MXD1: variants seen among roughly 807,000 people sequenced by gnomAD.
MXD1 encodes MAX dimerization protein 1, also known as MAX-binding protein.
Under a neutral mutation model 25.7 loss-of-function variants are expected in MXD1, and 9 were observed. The observed-to-expected ratio is 0.35, with a 90% CI of 0.21 to 0.61. MXD1 has a LOEUF of 0.61. MXD1 is among the 20% of genes least tolerant of loss of function. MXD1 has a pLI of 0.75. For missense variants in MXD1, 227 were observed against 292.4 expected, an observed-to-expected ratio of 0.78 and a Z score of 1.63; for synonymous variants, 99 against 113.9, an observed-to-expected ratio of 0.87 and a Z score of 0.83.
chr2:69,940,301 CAT>C lies in MXD1; in HGVS notation c.*2020_*2021del, dbSNP rs948026288. 1 of 152,128 alleles carries C rather than the reference CAT, an allele frequency of 6.6e-6. No homozygotes were observed. The highest frequency in any genetic ancestry group is 2.4e-5 in the African/African-American group (1 of 41,422). The allele number at this position is 152,128 out of a possible 1,614,324, so 9.4% of individuals were successfully genotyped here. A position where few individuals can be genotyped will look rare whatever the true frequency, so the allele number is the denominator to read the frequency against. On this transcript the variant is annotated 3_prime_UTR_variant, in exon 6 of 6. Transcript: ENST00000264444. ...TTCAAAGAGCCAGTTCAGCCTGTAA[CAT>C]ATTTGAAAAAGATATGTCTGCACTT...
In MXD1 at chr2:69,941,085, C is replaced by T. The variant is rs749459333; in HGVS notation, c.*2801C>T. 2.6e-5 allele frequency: 4 copies of T among 151,976 alleles called. No individual in the cohort carries two copies. Among genetic ancestry groups the T allele is most frequent in the East Asian group, 1.9e-4 (1 of 5,194 alleles). The allele number at this position is 151,976 out of a possible 1,614,324, so 9.4% of individuals were successfully genotyped here. On this transcript the variant is annotated 3_prime_UTR_variant, in exon 6 of 6. Coordinates refer to ENST00000264444, the MANE Select transcript of MXD1 (RefSeq NM_002357.4). The stretch of plus-strand genomic sequence containing the variant: ...AGCCTTTAAGACTTTGACAATTGTA[C>T]GTAAATACAGATGTGTATAAATATA...
Position 69,942,916 on chromosome 2 carries a change from AAAT to A in MXD1, c.*4638_*4640del, listed in dbSNP as rs1410953765. 2 of 152,242 alleles carry A rather than the reference AAAT, an allele frequency of 1.3e-5. No homozygotes were observed. Among genetic ancestry groups the A allele is most frequent in the African/African-American group, 4.8e-5 (2 of 41,462 alleles). The allele number at this position is 152,242 out of a possible 1,614,324, so 9.4% of individuals were successfully genotyped here. ...TAAACTGTATTGTTCAACTGTTAAC[AAAT>A]AATAAATTATTTCATTATTAAAGAA... On this transcript the variant is annotated 3_prime_UTR_variant, in exon 6 of 6. Coordinates refer to ENST00000264444, the MANE Select transcript of MXD1 (RefSeq NM_002357.4).
intron 3 of MXD1, among the ~76,000 whole-genome samples, chr2:69,928,948 C>T (rs1300626682): frequency 6.6e-6 from 1 of 152,222 alleles, no homozygotes; most frequent in African/African-American, 2.4e-5. Context: ...GGCTGGAGTA[C>T]AGTGGCACAA....
At chr2:69,933,484 CAGA>C (rs1251158711) in intron 3 of MXD1, among the ~76,000 whole-genome samples, 1 of 141,104 alleles carries the variant, frequency 7.1e-6, no homozygotes, top group African/African-American at 2.9e-5. Flanking sequence ...ACAGGTTTTT[CAGA>C]AGAAGTGAAA....
At chr2:69,930,915 C>A (rs1336935996) in intron 3 of MXD1, among the ~76,000 whole-genome samples, 1 of 152,236 alleles carries the variant, frequency 6.6e-6, no homozygotes, top group Non-Finnish European at 1.5e-5. Context: ...GCGCTTGTCA[C>A]CCTCATTCTA....
chr2:69,936,950 C>G lies in MXD1; in HGVS notation c.319-285C>G, dbSNP rs1027239781. ...TTGGGGACTGCTGCCTGCAGTCTTT[C>G]TGATACTAAAACTGAGGGCTACCAG... On this transcript the variant is annotated intron_variant, in intron 4 of 5. Transcript: ENST00000264444. The G allele has an allele frequency of 4.9e-5, 27 of 550,946 alleles. 1 individual carries two copies. Among genetic ancestry groups the G allele is most frequent in the South Asian group, 4.1e-4 (27 of 65,330 alleles). The allele number at this position is 550,946 out of a possible 1,614,324, so 34.1% of individuals were successfully genotyped here.
chr2:69,924,004 C>T (rs1677123025), intron 3 of MXD1, among the ~76,000 whole-genome samples: 1 of 152,166 alleles, frequency 6.6e-6, no homozygotes, highest in Non-Finnish European at 1.5e-5. Flanking sequence ...TGCAGGAATG[C>T]CACAGAATGT....
chr2:69,929,601 C>T (rs1677240128), intron 3 of MXD1, among the ~76,000 whole-genome samples: 1 of 152,198 alleles, frequency 6.6e-6, no homozygotes, highest in Non-Finnish European at 1.5e-5. Flanking sequence ...ACTTCCTTTA[C>T]TTGGATATTT....
intron 3 of MXD1, among the ~76,000 whole-genome samples, chr2:69,927,974 TGTA>T (rs2104183542): frequency 6.6e-6 from 1 of 152,278 alleles, no homozygotes; most frequent in African/African-American, 2.4e-5. Flanking sequence ...AAGTGTGACT[TGTA>T]GTCTTCACCT....
intron 3 of MXD1, among the ~76,000 whole-genome samples, chr2:69,932,016 C>T (rs1271450612): frequency 6.6e-6 from 1 of 152,114 alleles, no homozygotes; most frequent in African/African-American, 2.4e-5. Flanking sequence ...CGGGTGGCTT[C>T]CTGTTGAGGA....
chr2:69,919,332 T>G (rs1677017541), intron 2 of MXD1, among the ~76,000 whole-genome samples: 1 of 152,128 alleles, frequency 6.6e-6, no homozygotes, highest in African/African-American at 2.4e-5. Flanking sequence ...GCATATACTT[T>G]CATCCATTTT....
Position 69,937,285 on chromosome 2 carries a change from G to A in MXD1, c.369G>A (p.Gln123=). The change falls in exon 5 of 6, where the codon CAG becomes CAA. Residue 123 remains glutamine, a synonymous_variant. Coordinates refer to ENST00000264444, the MANE Select transcript of MXD1 (RefSeq NM_002357.4). ...CCGTTCACCAAATCGACCAGCTTCA[G>A]CGAGAGCAGCGACACCTGAAGAGGC... ...RKAVHQIDQL[Q]REQRHLKRQL... 1.2e-6 allele frequency: 2 copies of A among 1,614,212 alleles called. No individual in the cohort carries two copies. The highest frequency in any genetic ancestry group is 1.7e-6 in the Non-Finnish European group (2 of 1,180,034).
intron 3 of MXD1, among the ~76,000 whole-genome samples, chr2:69,934,409 C>T (rs1677370932): frequency 6.6e-6 from 1 of 152,230 alleles, no homozygotes; most frequent in South Asian, 2.1e-4. Flanking sequence ...GAGCAACTCT[C>T]GTGCTCTCTC....
In MXD1 at chr2:69,927,396, A is replaced by G. The variant is rs75332799; in HGVS notation, c.203+5631A>G. ...GGGGTAAGGTTATTACGAAGGAGAG[A>G]CACAGCGATCAGTGTATAAATCCAA... On this transcript the variant is annotated intron_variant, in intron 3 of 5. Transcript: ENST00000264444. 8.1e-3 allele frequency among the ~76,000 whole-genome samples: 1,239 copies of G among 152,328 alleles called. 10 individuals are homozygous for G. The highest frequency in any genetic ancestry group is 0.016 in the South Asian group (78 of 4,830).
rs1024585510 is a variant in MXD1, at chr2:69,938,156, A to G, written c.538A>G (p.Ser180Gly). 3 of 1,614,126 alleles carry G rather than the reference A, an allele frequency of 1.9e-6. No individual in the cohort carries two copies. Among genetic ancestry groups the G allele is most frequent in the African/African-American group, 1.3e-5 (1 of 74,942 alleles). ...TCTCACAGGTGATCTGGACTGGAGC[A>G]GCAGCAGTGTGAGCGACTCTGACGA... ...DYLTGDLDWS[S>G]SSVSDSDERG... Residue 180 changes from serine (S) to glycine (G), a missense_variant, in exon 6 of 6, where the codon AGC (serine) becomes GGC (glycine). Coordinates refer to ENST00000264444, the MANE Select transcript of MXD1 (RefSeq NM_002357.4).
At chr2:69,925,553 CT>C (rs895203760) in intron 3 of MXD1, among the ~76,000 whole-genome samples, 2 of 151,816 alleles carry the variant, frequency 1.3e-5, no homozygotes, top group African/African-American at 4.8e-5. Context: ...TTTGTGTGTA[CT>C]TTTTTTTAAC....
intron 3 of MXD1, among the ~76,000 whole-genome samples, chr2:69,933,074 C>T (rs1187589593): frequency 3.3e-5 from 5 of 151,664 alleles, no homozygotes; most frequent in African/African-American, 4.8e-5. Context: ...TGGCGGGCGC[C>T]TGTAATCCCA....
chr2:69,928,385 G>A (rs1255005707), intron 3 of MXD1, among the ~76,000 whole-genome samples: 2 of 152,130 alleles, frequency 1.3e-5, no homozygotes, highest in Non-Finnish European at 2.9e-5. Flanking sequence ...GAGGGTGAGG[G>A]AAAAGAAAGA....
At position 69,915,446 on chromosome 2, in the gene MXD1, G is replaced by A. The variant is rs866428049; in HGVS notation, c.73+43G>A. ...GGGGTCCACTCGAAACGAGGCCGGGGGTCCTGTGGGGCCGGCCTCAGGTCC... is the reference window on the plus strand; with the variant it reads ...GGGGTCCACTCGAAACGAGGCCGGGAGTCCTGTGGGGCCGGCCTCAGGTCC... On this transcript the variant is annotated intron_variant, in intron 1 of 5. Coordinates refer to ENST00000264444, the MANE Select transcript of MXD1 (RefSeq NM_002357.4). This position sits in a 1 kb window ranked among gnomAD's most constrained non-coding sequence, Gnocchi z 5.8. The A allele has an allele frequency of 3.2e-6, 4 of 1,251,476 alleles. No individual in the cohort carries two copies. The highest frequency in any genetic ancestry group is 3.4e-5 in the South Asian group (1 of 29,360). The allele number at this position is 1,251,476 out of a possible 1,614,324, so 77.5% of individuals were successfully genotyped here.
Sources: allele counts gnomAD v4.1 joint callset (sites outside exome capture counted in the v4.1 genomes callset), GRCh38; gene constraint gnomAD v4.1.1; non-coding constraint Gnocchi (gnomAD v3.1); transcripts MANE v1.5; gene names NCBI Gene and HGNC (gene_info 2026-07-23, HGNC 2026-07-21).